The following XKR4 variants were observed in gnomAD, a reference collection of about 807,000 sequenced individuals.
XKR4 encodes the protein XK-related protein 4.
A neutral mutation model predicts 53.9 loss-of-function variants in XKR4; 12 were observed. The ratio of observed to expected loss-of-function variants is 0.22; its 90% CI spans 0.14 to 0.36. The LOEUF (loss-of-function observed/expected upper bound fraction) is 0.36. Ranked by LOEUF, XKR4 falls within the 10% of genes least tolerant of loss-of-function variation. The pLI is 1.00. For synonymous variants in XKR4, 354 were observed against 362.4 expected (o/e 0.98, Z 0.26); for missense variants, 799 against 859.5 (o/e 0.93, Z 0.88).
chr8:55,500,181 CAAAAAAAA>C lies in XKR4; in HGVS notation c.1007-23083_1007-23076del, dbSNP rs36233927. 6.2e-3 allele frequency among the ~76,000 whole-genome samples: 719 copies of C among 115,620 alleles called. 5 individuals are homozygous for C. Among genetic ancestry groups the C allele is most frequent in the African/African-American group, 0.026 (652 of 25,272 alleles). 75.9% of individuals were successfully genotyped at this position (115,620 alleles called of 152,430 possible). A position where few individuals can be genotyped will look rare whatever the true frequency, so the allele number is the denominator to read the frequency against. On this transcript the variant is annotated intron_variant, in intron 2 of 2. Coordinates refer to ENST00000327381, the MANE Select transcript of XKR4 (RefSeq NM_052898.2). ...AAGCATCTGCTCCTTCAAATTGGGC[CAAAAAAAA>C]AAAAAAAAAAAAAAAACAATGTAAC...
chr8:55,350,611 A>G (rs1803710932), intron 1 of XKR4, among the ~76,000 whole-genome samples: 1 of 152,198 alleles, frequency 6.6e-6, no homozygotes, highest in Non-Finnish European at 1.5e-5. Context: ...TTAAATCCAG[A>G]GATTCATCCA....
chr8:55,240,370 T>A (rs16921482), intron 1 of XKR4, among the ~76,000 whole-genome samples: 1 of 152,046 alleles, frequency 6.6e-6, no homozygotes, highest in Non-Finnish European at 1.5e-5. Context: ...ATATAGTCCA[T>A]GTGTTTTTAA....
chr8:55,479,438 C>G (rs373317031), intron 2 of XKR4, among the ~76,000 whole-genome samples: 18 of 151,804 alleles, frequency 1.2e-4, no homozygotes, highest in African/African-American at 4.4e-4. Flanking sequence ...ATGCCCACAA[C>G]AGAAAGCAGG....
chr8:55,476,476 G>A (rs867147036), intron 2 of XKR4, among the ~76,000 whole-genome samples: 17 of 152,238 alleles, frequency 1.1e-4, no homozygotes, highest in East Asian at 3.9e-4. Context: ...AGCTCCCAGC[G>A]TGAGCGACAC....
At chr8:55,120,217 T>TAAA in intron 1 of XKR4, among the ~76,000 whole-genome samples, 2 of 152,202 alleles carry the variant, frequency 1.3e-5, no homozygotes, top group African/African-American at 2.4e-5. Flanking sequence ...CATTCATTCA[T>TAAA]GGGTTTCTTG....
chr8:55,427,407 C>T (rs1805032564), intron 2 of XKR4, among the ~76,000 whole-genome samples: 1 of 152,122 alleles, frequency 6.6e-6, no homozygotes, highest in African/African-American at 2.4e-5. Context: ...GACAAGGTCT[C>T]ACTATGTTGC....
At chr8:55,184,926 G>T (rs1194342986) in intron 1 of XKR4, among the ~76,000 whole-genome samples, 1 of 151,994 alleles carries the variant, frequency 6.6e-6, no homozygotes, top group East Asian at 1.9e-4. Flanking sequence ...ATTCCCAAAA[G>T]TTATGAATAT....
At chr8:55,335,360 AT>A (rs1343073687) in intron 1 of XKR4, among the ~76,000 whole-genome samples, 2 of 152,320 alleles carry the variant, frequency 1.3e-5, no homozygotes, top group Non-Finnish European at 1.5e-5. Context: ...TTAAAAAAAA[AT>A]CTTTATGTGA....
At chr8:55,500,235 G>A in intron 2 of XKR4, among the ~76,000 whole-genome samples, 1 of 148,536 alleles carries the variant, frequency 6.7e-6, no homozygotes, top group African/African-American at 2.5e-5. Context: ...CAGCAACAAG[G>A]AAAAAATAAT....
chr8:55,236,342 T>G (rs146484466), intron 1 of XKR4, among the ~76,000 whole-genome samples: 3 of 152,304 alleles, frequency 2.0e-5, no homozygotes, highest in Non-Finnish European at 1.5e-5. Flanking sequence ...CTCCAGTGGT[T>G]CCTGGCCTTG....
At chr8:55,325,169 A>C (rs915383167) in intron 1 of XKR4, among the ~76,000 whole-genome samples, 3 of 152,230 alleles carry the variant, frequency 2.0e-5, no homozygotes, top group African/African-American at 7.2e-5. Context: ...AAAGGGTAAA[A>C]TATGAGGCGT....
intron 1 of XKR4, among the ~76,000 whole-genome samples, chr8:55,350,515 G>A (rs769155871): frequency 2.0e-4 from 30 of 152,068 alleles, no homozygotes; most frequent in Non-Finnish European, 3.8e-4. Flanking sequence ...GAACCTTGAG[G>A]ACATTATGCT....
At chr8:55,260,477 G>A (rs1351333846) in intron 1 of XKR4, among the ~76,000 whole-genome samples, 5 of 152,160 alleles carry the variant, frequency 3.3e-5, no homozygotes, top group African/African-American at 4.8e-5. Context: ...TCCGAGGTTC[G>A]TTGCCTCACG....
At chr8:55,278,972 C>T (rs915206203) in intron 1 of XKR4, among the ~76,000 whole-genome samples, 5 of 152,146 alleles carry the variant, frequency 3.3e-5, no homozygotes, top group Admixed American at 6.5e-5. Flanking sequence ...AAAACAAAAA[C>T]CCAGACATTC....
intron 2 of XKR4, among the ~76,000 whole-genome samples, chr8:55,438,606 A>G (rs1028039055): frequency 3.4e-5 from 5 of 146,404 alleles, no homozygotes; most frequent in Admixed American, 6.9e-5. Flanking sequence ...AAAAAAAAAA[A>G]AGAGAGAGAG....
At chr8:55,161,582 G>A in intron 1 of XKR4, 1 of 456,306 alleles carries the variant, frequency 2.2e-6, no homozygotes, top group South Asian at 1.5e-5. Context: ...TAGACAAGTT[G>A]TCTGCATTTG....
intron 1 of XKR4, among the ~76,000 whole-genome samples, chr8:55,131,146 C>T (rs935587951): frequency 1.2e-4 from 11 of 95,254 alleles, no homozygotes; most frequent in South Asian, 8.9e-4. Context: ...GCAACAAGAG[C>T]GAAATGGCTG....
intron 2 of XKR4, among the ~76,000 whole-genome samples, chr8:55,394,514 G>A (rs996809933): frequency 1.3e-4 from 20 of 152,172 alleles, no homozygotes; most frequent in East Asian, 7.7e-4. Context: ...GACTTACACC[G>A]TACACTGATT....
chr8:55,418,891 T>C (rs1023726198), intron 2 of XKR4, among the ~76,000 whole-genome samples: 1 of 116,578 alleles, frequency 8.6e-6, no homozygotes, highest in South Asian at 2.3e-4. Context: ...TTTGCCCTGC[T>C]TTTTTTTTTT....
Sources: gnomAD v4.1 joint callset for allele counts (sites outside exome capture counted in the v4.1 genomes callset) on GRCh38, gnomAD v4.1.1 for gene constraint, MANE v1.5 for transcripts, NCBI Gene and HGNC (gene_info 2026-07-23, HGNC 2026-07-21) for gene names.